The following FRMD3 variants were observed in gnomAD, a reference collection of about 807,000 sequenced individuals.
FRMD3 encodes FERM domain containing 3.
Under a neutral mutation model 70.2 loss-of-function variants are expected in FRMD3, and 33 were observed. That is an observed-to-expected ratio of 0.47 (90% CI 0.36 to 0.63). The LOEUF (loss-of-function observed/expected upper bound fraction) is 0.63, where lower values mean the gene tolerates loss of function less well. Among genes scored for constraint, FRMD3 ranks in the 20% least tolerant of loss-of-function variants. FRMD3 has a pLI of 0.00. For synonymous variants in FRMD3, 279 were observed against 255.9 expected, an observed-to-expected ratio of 1.09 and a Z score of -0.86; for missense variants, 632 against 711.4, an observed-to-expected ratio of 0.89 and a Z score of 1.27.
At chr9:83,309,490 A>C (rs746673547) in intron 10 of FRMD3, 46 bp downstream of exon 10, 1 of 1,135,416 alleles carries the variant, frequency 8.8e-7, no homozygotes. Flanking sequence ...AAAGAATTCC[A>C]TGGGTGCTTT....
At chr9:83,310,926 C>A (rs1835327687) in intron 8 of FRMD3, among the ~76,000 whole-genome samples, 1 of 152,206 alleles carries the variant, frequency 6.6e-6, no homozygotes, top group African/African-American at 2.4e-5. Flanking sequence ...TTCACAGTAT[C>A]TGACTTTCTC....
At chr9:83,454,499 C>T (rs1453459446) in intron 1 of FRMD3, among the ~76,000 whole-genome samples, 3 of 152,226 alleles carry the variant, frequency 2.0e-5, no homozygotes, top group African/African-American at 7.2e-5. Flanking sequence ...AGACAAAATA[C>T]CAGCCTTACT....
chr9:83,335,032 T>C (rs1376348918), intron 6 of FRMD3, among the ~76,000 whole-genome samples: 1 of 149,050 alleles, frequency 6.7e-6, no homozygotes, highest in Non-Finnish European at 1.5e-5. Context: ...TGTGCAGCTA[T>C]CATTGAAGCA....
the FRMD3 span, among the ~76,000 whole-genome samples, chr9:83,583,437 G>A: frequency 2.6e-5 from 4 of 151,884 alleles, no homozygotes; most frequent in East Asian, 5.8e-4. Context: ...TCACAATACC[G>A]TACTAGCCAC....
At chr9:83,313,839 T>A in intron 6 of FRMD3, 92 bp from the exon 7 acceptor site, 1 of 942,772 alleles carries the variant, frequency 1.1e-6, no homozygotes, top group Non-Finnish European at 1.7e-6. Context: ...TGTTCTAAGC[T>A]AAATAAAGAG....
chr9:83,540,611 T>C (rs887275699), upstream of FRMD3, among the ~76,000 whole-genome samples: 2 of 152,074 alleles, frequency 1.3e-5, no homozygotes, highest in Non-Finnish European at 2.9e-5. Context: ...AACTACCCAA[T>C]GAAGACAAGG....
chr9:83,521,080 A>C (rs1007653572), intron 1 of FRMD3, among the ~76,000 whole-genome samples: 3 of 150,960 alleles, frequency 2.0e-5, no homozygotes, highest in African/African-American at 7.3e-5. Flanking sequence ...TGGAGGTTGC[A>C]GTGAGCCGAG....
At chr9:83,502,584 G>A (rs1353675524) in intron 1 of FRMD3, among the ~76,000 whole-genome samples, 11 of 152,168 alleles carry the variant, frequency 7.2e-5, no homozygotes, top group Non-Finnish European at 1.6e-4. Flanking sequence ...GGTCAAGTGA[G>A]GTGTTCCAGA....
At chr9:83,432,759 A>AT (rs1268504826) in intron 1 of FRMD3, among the ~76,000 whole-genome samples, 3 of 152,240 alleles carry the variant, frequency 2.0e-5, no homozygotes, top group Non-Finnish European at 2.9e-5. Flanking sequence ...ATTTAAAAAA[A>AT]TTTTAATTTC....
chr9:83,510,186 C>T (rs1047344486), intron 1 of FRMD3, among the ~76,000 whole-genome samples: 1 of 152,048 alleles, frequency 6.6e-6, no homozygotes, highest in African/African-American at 2.4e-5. Flanking sequence ...GAGGAGGGCT[C>T]CAGAGAGAGT....
chr9:83,260,075 C>G (rs1447870257), intron 13 of FRMD3, among the ~76,000 whole-genome samples: 1 of 152,120 alleles, frequency 6.6e-6, no homozygotes, highest in Non-Finnish European at 1.5e-5. Context: ...GCAAAATGGA[C>G]CAGACCCTCC....
intron 1 of FRMD3, among the ~76,000 whole-genome samples, chr9:83,416,857 T>C (rs1826473295): frequency 6.6e-6 from 1 of 151,402 alleles, no homozygotes; most frequent in Non-Finnish European, 1.5e-5. Context: ...TAGTGTTCAC[T>C]ATGTTGCTTC....
chr9:83,533,687 T>C (rs766670106), intron 1 of FRMD3, among the ~76,000 whole-genome samples: 2 of 152,222 alleles, frequency 1.3e-5, no homozygotes, highest in Non-Finnish European at 2.9e-5. Context: ...GTAGGCACTA[T>C]TCTAAATATC....
At chr9:83,450,370 T>TA (rs1554707121) in intron 1 of FRMD3, among the ~76,000 whole-genome samples, 169 of 120,798 alleles carry the variant, frequency 1.4e-3, no homozygotes, top group East Asian at 2.5e-3. Flanking sequence ...TTTTTTTTTT[T>TA]ATTATACTCT....
chr9:83,374,282 T>A (rs7847162), intron 2 of FRMD3, among the ~76,000 whole-genome samples: 56,896 of 151,838 alleles, frequency 0.37, 11,197 homozygotes, highest in Admixed American at 0.47. Flanking sequence ...GTCAAATTAG[T>A]GGTTTCTAAT....
At chr9:83,550,661 C>T in the FRMD3 span, among the ~76,000 whole-genome samples, 7 of 149,780 alleles carry the variant, frequency 4.7e-5, no homozygotes, top group Non-Finnish European at 1.0e-4. Flanking sequence ...GATCTTTCAC[C>T]TCCCTAGTTA....
intron 1 of FRMD3, among the ~76,000 whole-genome samples, chr9:83,442,254 CTTT>C (rs57472225): frequency 0.22 from 26,075 of 121,014 alleles, 3,147 homozygotes; most frequent in African/African-American, 0.4. Flanking sequence ...TTATACAGAT[CTTT>C]TTTTTTTTTT....
chr9:83,349,763 A>C lies in FRMD3; in HGVS notation c.296-6T>G. The C allele has an allele frequency of 6.2e-7, 1 of 1,604,620 alleles. No individual in the cohort carries two copies. Among genetic ancestry groups the C allele is most frequent in the Non-Finnish European group, 8.5e-7 (1 of 1,172,556 alleles). Reference sequence around the variant, plus strand: ...CATGGTGTATGGTGGATGAGCTGAAACATCATAAAGAAAAGGCATGAGAAA... The same window carrying C: ...CATGGTGTATGGTGGATGAGCTGAACCATCATAAAGAAAAGGCATGAGAAA... On this transcript the variant is annotated splice_region_variant and splice_polypyrimidine_tract_variant and intron_variant, in intron 3 of 13. Transcript: ENST00000304195.
chr9:83,552,757 T>A, the FRMD3 span, among the ~76,000 whole-genome samples: 1 of 152,172 alleles, frequency 6.6e-6, no homozygotes, highest in Non-Finnish European at 1.5e-5. Flanking sequence ...TTATCTTTAT[T>A]AGTTTGAAAA....
Sources: allele counts gnomAD v4.1 joint callset (sites outside exome capture counted in the v4.1 genomes callset), GRCh38; gene constraint gnomAD v4.1.1; transcripts MANE v1.5; gene names NCBI Gene and HGNC (gene_info 2026-07-23, HGNC 2026-07-21).